SERPINA1: variants seen among roughly 807,000 people sequenced by gnomAD.
SERPINA1 encodes serpin family A member 1.
A neutral mutation model predicts 25.4 loss-of-function variants in SERPINA1; 21 were observed. That is an observed-to-expected ratio of 0.83 (90% confidence interval 0.59 to 1.19). The LOEUF (loss-of-function observed/expected upper bound fraction) is 1.19. Ranked by LOEUF, SERPINA1 falls within the 50% of genes most tolerant of loss-of-function variation. The pLI, the probability that SERPINA1 is intolerant of heterozygous loss-of-function variation, is 0.00. For synonymous variants in SERPINA1, 218 were observed against 211.1 expected (o/e 1.03, Z -0.29); for missense variants, 546 against 509.0 (o/e 1.07, Z -0.70).
At chr14:94,387,137 C>G (rs1897335743) in intron 1 of SERPINA1, among the ~76,000 whole-genome samples, 1 of 152,192 alleles carries the variant, frequency 6.6e-6, no homozygotes, top group African/African-American at 2.4e-5. Context: ...TCAGAGGCAG[C>G]CTGGCTAAAT....
At chr14:94,378,693 C>G (rs371533975) in intron 4 of SERPINA1, 53 bp from the exon 5 acceptor site, 1 of 1,553,526 alleles carries the variant, frequency 6.4e-7, no homozygotes, top group East Asian at 2.4e-5. Context: ...AGGCCTCGAG[C>G]AAGGCTCACG....
intron 3 of SERPINA1, 123 bp from the exon 4 acceptor site, chr14:94,379,734 C>T: frequency 7.5e-7 from 1 of 1,341,896 alleles, no homozygotes; most frequent in South Asian, 1.2e-5. Context: ...GTCCTCCACC[C>T]ACACTAAGAT....
upstream of SERPINA1, among the ~76,000 whole-genome samples, chr14:94,390,207 T>A (rs1158523996): frequency 1.3e-5 from 2 of 152,172 alleles, no homozygotes; most frequent in African/African-American, 4.8e-5. Flanking sequence ...CTCCCTTCCC[T>A]GCAGCTCCAT....
Position 94,383,227 on chromosome 14 carries a change from GA to G in SERPINA1, c.10del (p.Ser4LeufsTer76). 6.2e-7 allele frequency: 1 copy of G among 1,612,366 alleles called. No homozygotes were observed. The highest frequency in any genetic ancestry group is 8.5e-7 in the Non-Finnish European group (1 of 1,179,898). On this transcript the variant is annotated frameshift_variant, in exon 2 of 5. Coordinates refer to ENST00000393087, the MANE Select transcript of SERPINA1 (RefSeq NM_000295.5). LOFTEE classifies it high-confidence loss of function. MPS[S>X]VSWGILLLAG... ...CAGCAGGAGGATGCCCCACGAGACA[GA>G]AGACGGCATTGTCCTGCAAGACAGA...
intron 1 of SERPINA1, among the ~76,000 whole-genome samples, chr14:94,387,261 C>T (rs1165896287): frequency 2.6e-5 from 4 of 152,242 alleles, no homozygotes; most frequent in African/African-American, 9.6e-5. Flanking sequence ...CTCTCTGAAC[C>T]TCAGTTTCCT....
rs7141735 is a variant in SERPINA1 at position 94,381,433 on chromosome 14, T to C, written c.647-292A>G. Among the ~76,000 whole-genome samples, 499 of 152,334 alleles carry C rather than the reference T, an allele frequency of 3.3e-3. 2 individuals carry two copies. Among genetic ancestry groups the C allele is most frequent in the African/African-American group, 0.011 (463 of 41,572 alleles). ...TGGCTGTGCATTTTTATTGGAATCA[T>C]ATGTTTATTTGAGGGTGTCTTGGAT... On this transcript the variant is annotated intron_variant, in intron 2 of 4. Coordinates refer to ENST00000393087, the MANE Select transcript of SERPINA1 (RefSeq NM_000295.5).
chr14:94,379,066 G>T, intron 4 of SERPINA1: 1 of 546,048 alleles, frequency 1.8e-6, no homozygotes, highest in Non-Finnish European at 3.3e-6. Context: ...CAAAATAAGT[G>T]TCATCTTTAG....
intron 1 of SERPINA1, among the ~76,000 whole-genome samples, chr14:94,384,606 C>A (rs529278396): frequency 1.3e-5 from 2 of 152,186 alleles, no homozygotes; most frequent in Non-Finnish European, 2.9e-5. Context: ...CACCAGCCTG[C>A]AGCCCCCTAG....
chr14:94,386,943 G>A (rs1897325585), intron 1 of SERPINA1, among the ~76,000 whole-genome samples: 1 of 152,136 alleles, frequency 6.6e-6, no homozygotes, highest in African/African-American at 2.4e-5. Flanking sequence ...CTATTTTATA[G>A]ATAGAAAAAT....
rs747643620 is a variant in SERPINA1, at chr14:94,383,258, G to C, written c.-4-17C>G. On this transcript the variant is annotated splice_polypyrimidine_tract_variant and intron_variant, in intron 1 of 4. Transcript: ENST00000393087. ...GGCATTGTCCTGCAAGACAGAGATG[G>C]GGGGGCCAGGCCCCGAGTCAAGGCA... 3 of 1,605,262 alleles carry C rather than the reference G, an allele frequency of 1.9e-6. No individual in the cohort carries two copies. The highest frequency in any genetic ancestry group is 1.7e-5 in the Admixed American group (1 of 59,846).
upstream of SERPINA1, chr14:94,390,354 C>T (rs559428677): frequency 1.3e-5 from 2 of 152,602 alleles, no homozygotes; most frequent in Non-Finnish European, 2.9e-5. Context: ...ATTTCTTCCC[C>T]TCTCTGGGCC....
chr14:94,380,466 C>T (rs1896813768), intron 3 of SERPINA1, among the ~76,000 whole-genome samples: 1 of 152,206 alleles, frequency 6.6e-6, no homozygotes, highest in South Asian at 2.1e-4. Flanking sequence ...CTTCCCCCGT[C>T]CCCCCAGGGA....
chr14:94,389,327 T>TGTGAAGTGCCTCGG (rs1185826846), upstream of SERPINA1, among the ~76,000 whole-genome samples: 8 of 152,202 alleles, frequency 5.3e-5, no homozygotes, highest in Admixed American at 3.3e-4. Context: ...CAAGCATGCT[T>TGTGAAGTGCCTCGG]GTGAAGTGCC....
intron 2 of SERPINA1, among the ~76,000 whole-genome samples, chr14:94,381,964 C>A (rs1449016672): frequency 1.3e-5 from 2 of 152,210 alleles, no homozygotes; most frequent in African/African-American, 2.4e-5. Flanking sequence ...GCCCCCAGGA[C>A]CCTGGCATTT....
intron 4 of SERPINA1, 138 bp downstream of exon 4, chr14:94,379,326 C>T (rs937582523): frequency 3.0e-5 from 39 of 1,279,900 alleles, no homozygotes; most frequent in Admixed American, 5.1e-5. Flanking sequence ...CAGTGAATCA[C>T]GGGCATCTTC....
chr14:94,384,366 AG>A (rs1281015609), intron 1 of SERPINA1, among the ~76,000 whole-genome samples: 3 of 152,274 alleles, frequency 2.0e-5, no homozygotes, highest in Admixed American at 2.0e-4. Context: ...AACTCTTTTG[AG>A]GGAGGGGTTG....
intron 1 of SERPINA1, among the ~76,000 whole-genome samples, chr14:94,384,889 C>A (rs1897191664): frequency 6.6e-6 from 1 of 152,240 alleles, no homozygotes; most frequent in Non-Finnish European, 1.5e-5. Context: ...TCTCCACCAC[C>A]TTTCTCCTGG....
intron 1 of SERPINA1, among the ~76,000 whole-genome samples, chr14:94,385,994 A>C (rs556706796): frequency 6.6e-6 from 1 of 152,322 alleles, no homozygotes; most frequent in East Asian, 1.9e-4. Context: ...CTCAGATCTC[A>C]GATGATGAAT....
intron 1 of SERPINA1, among the ~76,000 whole-genome samples, chr14:94,385,486 G>A (rs772887482): frequency 5.9e-5 from 9 of 152,180 alleles, no homozygotes; most frequent in Non-Finnish European, 8.8e-5. Flanking sequence ...GTGCCACCAC[G>A]CCTGGCTAAT....
Sources: gnomAD v4.1 joint callset for allele counts (sites outside exome capture counted in the v4.1 genomes callset) on GRCh38, gnomAD v4.1.1 for gene constraint, MANE v1.5 for transcripts, NCBI Gene and HGNC (gene_info 2026-07-23, HGNC 2026-07-21) for gene names.